Variants in CARM1 observed in about 807,000 individuals in gnomAD.
CARM1 encodes histone-arginine methyltransferase CARM1.
CARM1 carries 14 observed loss-of-function variants against 72.7 expected under a neutral mutation model. The ratio of observed to expected loss-of-function variants is 0.19; its 90% CI spans 0.13 to 0.30. CARM1 has a LOEUF of 0.30. CARM1 is among the 10% of genes least tolerant of loss of function. The pLI is 1.00. For missense variants in CARM1, 432 were observed against 833.7 expected (o/e 0.52, Z 5.93); for synonymous variants, 333 against 345.5 (o/e 0.96, Z 0.40).
chr19:10,892,535 G>T (rs1348620255), intron 1 of CARM1, among the ~76,000 whole-genome samples: 1 of 152,216 alleles, frequency 6.6e-6, no homozygotes, highest in East Asian at 1.9e-4. Context: ...TCAGGTTACG[G>T]CAGGAGAGGG....
chr19:10,916,660 C>A lies in CARM1; in HGVS notation c.939-36C>A. The A allele has an allele frequency of 6.5e-7, 1 of 1,547,444 alleles. No individual in the cohort carries two copies. ...GCTACCCCACCTGCCTCTTCTGCAG[C>A]CCTGACCTTGCTGTGGGGGTGGGGC... On this transcript the variant is annotated intron_variant, in intron 7 of 15. Transcript: ENST00000327064. The surrounding 1 kb of genome is among the most constrained non-coding windows in gnomAD (Gnocchi z 4.4).
Position 10,916,344 on chromosome 19 carries a change from G to C in CARM1, c.848-63G>C. Reference sequence around the variant, plus strand: ...TTGGGGGTCTTGGGGTCCTTTGGAAGCTCTGCCAGGCAGTGTGGGATGTGT... The same window carrying C: ...TTGGGGGTCTTGGGGTCCTTTGGAACCTCTGCCAGGCAGTGTGGGATGTGT... On this transcript the variant is annotated intron_variant, in intron 6 of 15. Transcript: ENST00000327064. This position sits in a 1 kb window ranked among gnomAD's most constrained non-coding sequence, Gnocchi z 4.4. The C allele has an allele frequency of 8.7e-7, 1 of 1,147,464 alleles. No individual in the cohort carries two copies. The highest frequency in any genetic ancestry group is 1.3e-5 in the South Asian group (1 of 79,970). 71.1% of individuals were successfully genotyped at this position (1,147,464 alleles called of 1,614,324 possible).
rs756631671 is a variant in CARM1, at chr19:10,905,019, T to A, written c.289T>A (p.Ser97Thr). 2 of 1,614,120 alleles carry A rather than the reference T, an allele frequency of 1.2e-6. No individual in the cohort carries two copies. The highest frequency in any genetic ancestry group is 1.7e-6 in the Non-Finnish European group (2 of 1,179,996). The change falls in exon 2 of 16, where the codon TCC becomes ACC. Residue 97 changes from serine (S) to threonine (T), a missense_variant. By Grantham distance (58) the Ser-to-Thr change is moderately conservative (BLOSUM62 1). Transcript: ENST00000327064. ...AGAGTGCAGCCGTGTGGGCAAGCAG[T>A]CCTTCATCATCACCCTGGGCTGCAA... Reference protein sequence around the residue: ...ETECSRVGKQSFIITLGCNSV... With the variant: ...ETECSRVGKQTFIITLGCNSV...
At position 10,909,094 on chromosome 19, in the gene CARM1, C is replaced by G. The variant is rs372818429; in HGVS notation, c.454-9C>G. The G allele has an allele frequency of 6.2e-7, 1 of 1,608,062 alleles. No homozygotes were observed. The highest frequency in any genetic ancestry group is 8.5e-7 in the Non-Finnish European group (1 of 1,174,874). On this transcript the variant is annotated splice_polypyrimidine_tract_variant and intron_variant, in intron 3 of 15. Transcript: ENST00000327064. The stretch of plus-strand genomic sequence containing the variant: ...TGTGCCCCGTGCCATCGGTATGTCT[C>G]TGTTCCAGTTTTATGGCTACCTGTC...
At chr19:10,890,268 TG>T (rs199945796) in intron 1 of CARM1, among the ~76,000 whole-genome samples, 441 of 141,388 alleles carry the variant, frequency 3.1e-3, no homozygotes, top group African/African-American at 0.01. Flanking sequence ...TTGTTTTGTT[TG>T]TTTTTTTTTT....
At chr19:10,899,728 T>TC (rs2074050386) in intron 1 of CARM1, among the ~76,000 whole-genome samples, 1 of 150,772 alleles carries the variant, frequency 6.6e-6, no homozygotes, top group Admixed American at 6.6e-5. Flanking sequence ...TTTTTCTTTT[T>TC]TTTTTTTTTT....
In CARM1 at chr19:10,919,859, C is replaced by G; in HGVS notation, c.1107-18C>G. 1 of 1,604,986 alleles carries G rather than the reference C, an allele frequency of 6.2e-7. No individual in the cohort carries two copies. Among genetic ancestry groups the G allele is most frequent in the South Asian group, 1.1e-5 (1 of 90,912 alleles). ...GCCTGTCTGGCTTCCCCAGCAGCCA[C>G]TGCCCTTTGCCTTCCAGGATAGAAA... On this transcript the variant is annotated intron_variant, in intron 9 of 15. Coordinates refer to ENST00000327064, the MANE Select transcript of CARM1 (RefSeq NM_199141.2).
At chr19:10,889,532 T>C (rs990203567) in intron 1 of CARM1, among the ~76,000 whole-genome samples, 5 of 150,842 alleles carry the variant, frequency 3.3e-5, no homozygotes, top group Non-Finnish European at 7.4e-5. Flanking sequence ...TTTCTCCAAG[T>C]TGGCCAGGCT....
chr19:10,919,838 G>T, intron 9 of CARM1, 39 bp from the exon 10 acceptor site: 1 of 1,564,434 alleles, frequency 6.4e-7, no homozygotes, highest in Non-Finnish European at 8.8e-7. Context: ...GGCAGCGCCT[G>T]TCTGGCTTCC....
chr19:10,879,325 C>T (rs967764151), intron 1 of CARM1, among the ~76,000 whole-genome samples: 1 of 152,210 alleles, frequency 6.6e-6, no homozygotes, highest in Non-Finnish European at 1.5e-5. Flanking sequence ...ATGATCACTG[C>T]CAGCTGCAAG....
intron 1 of CARM1, among the ~76,000 whole-genome samples, chr19:10,891,888 G>A (rs997822841): frequency 2.6e-5 from 4 of 152,194 alleles, no homozygotes; most frequent in Non-Finnish European, 5.9e-5. Context: ...AGTTATGCAC[G>A]TTCACACAAT....
At chr19:10,874,629 T>G (rs2073849246) in intron 1 of CARM1, among the ~76,000 whole-genome samples, 1 of 152,130 alleles carries the variant, frequency 6.6e-6, no homozygotes, top group Non-Finnish European at 1.5e-5. Flanking sequence ...TGGGCTCAAG[T>G]GATCCTCCCT....
At chr19:10,889,250 G>A (rs1029871789) in intron 1 of CARM1, among the ~76,000 whole-genome samples, 7 of 152,136 alleles carry the variant, frequency 4.6e-5, no homozygotes, top group Middle Eastern at 6.8e-3. Context: ...CCTCTGTTCC[G>A]TAGGTGGCTG....
chr19:10,892,685 C>T (rs1123488), intron 1 of CARM1, among the ~76,000 whole-genome samples: 5,800 of 151,568 alleles, frequency 0.038, 448 homozygotes, highest in East Asian at 0.35. Context: ...CCTAGGAATC[C>T]TCACTGCAGG....
intron 1 of CARM1, among the ~76,000 whole-genome samples, chr19:10,881,588 C>T (rs2073902467): frequency 6.6e-6 from 1 of 151,852 alleles, no homozygotes; most frequent in Admixed American, 6.6e-5. Flanking sequence ...TCACAGGTGA[C>T]CTCAGAGAGC....
rs557642101 is a variant in CARM1, at chr19:10,891,174, C to G, written c.221-13777C>G. 6.6e-5 allele frequency among the ~76,000 whole-genome samples: 10 copies of G among 152,018 alleles called. No individual in the cohort carries two copies. In the South Asian group the frequency reaches 1.7e-3, roughly 25 times the overall value. On this transcript the variant is annotated intron_variant, in intron 1 of 15. Transcript: ENST00000327064. The stretch of plus-strand genomic sequence containing the variant: ...CGGAGCACTGTGGGGACACAGGAAC[C>G]AAGACTGGTGTTTTGTGCCAATGCC...
chr19:10,904,101 C>T (rs2074085696), intron 1 of CARM1, among the ~76,000 whole-genome samples: 1 of 152,194 alleles, frequency 6.6e-6, no homozygotes, highest in South Asian at 2.1e-4. Context: ...GTCTCCTGCA[C>T]TCTGGAATAG....
In CARM1 at chr19:10,920,005, C is replaced by T. The variant is rs567401361; in HGVS notation, c.1196+39C>T. On this transcript the variant is annotated intron_variant, in intron 10 of 15. Transcript: ENST00000327064. The surrounding 1 kb of genome is among the most constrained non-coding windows in gnomAD (Gnocchi z 5.3). Reference sequence around the variant, plus strand: ...AGCAGCCCATGCTGCCTCCTCCCCACTCCCAGGGCTTCCTGCAGCTGCAAC... The same window carrying T: ...AGCAGCCCATGCTGCCTCCTCCCCATTCCCAGGGCTTCCTGCAGCTGCAAC... The T allele has an allele frequency of 6.6e-7, 1 of 1,517,006 alleles. No individual in the cohort carries two copies. Among genetic ancestry groups the T allele is most frequent in the Non-Finnish European group, 9.1e-7 (1 of 1,093,892 alleles). The allele number at this position is 1,517,006 out of a possible 1,614,324, so 94.0% of individuals were successfully genotyped here.
chr19:10,871,610 G>GGCGGCGGCGGCGGCGGCT lies in CARM1; in HGVS notation c.-76_-75insTGCGGCGGCGGCGGCGGC, dbSNP rs1555723440. ...CGGCAGCGGCGGCGGCGGCGGCGGC[G>GGCGGCGGCGGCGGCGGCT]GCGGCGGCGGCGGCGGCGGCGGCGG... On this transcript the variant is annotated 5_prime_UTR_variant, in exon 1 of 16. Coordinates refer to ENST00000327064, the MANE Select transcript of CARM1 (RefSeq NM_199141.2). The surrounding 1 kb of genome is among the most constrained non-coding windows in gnomAD (Gnocchi z 5.6). The GGCGGCGGCGGCGGCGGCT allele has an allele frequency of 1.5e-5, 2 of 132,864 alleles. No homozygotes were observed. Among genetic ancestry groups the GGCGGCGGCGGCGGCGGCT allele is most frequent in the African/African-American group, 5.8e-5 (2 of 34,200 alleles). The allele number at this position is 132,864 out of a possible 1,614,324, so 8.2% of individuals were successfully genotyped here. A position where few individuals can be genotyped will look rare whatever the true frequency, so the allele number is the denominator to read the frequency against.
Sources: gnomAD v4.1 joint callset for allele counts (sites outside exome capture counted in the v4.1 genomes callset) on GRCh38, gnomAD v4.1.1 for gene constraint, Gnocchi (gnomAD v3.1) non-coding constraint, MANE v1.5 for transcripts, NCBI Gene and HGNC (gene_info 2026-07-23, HGNC 2026-07-21) for gene names.